LRRK2: variants seen among roughly 807,000 people sequenced by gnomAD.
The protein encoded by LRRK2 is leucine-rich repeat serine/threonine-protein kinase 2.
LRRK2 carries 203 observed loss-of-function variants against 302.6 expected under a neutral mutation model. The observed-to-expected ratio is 0.67, with a 90% CI of 0.60 to 0.75. The LOEUF (loss-of-function observed/expected upper bound fraction) is 0.75. Among genes scored for constraint, LRRK2 ranks in the 30% least tolerant of loss-of-function variants. The pLI, the probability that LRRK2 is intolerant of heterozygous loss-of-function variation, is 0.00. For synonymous variants in LRRK2, 1,066 were observed against 1,031.9 expected (o/e 1.03, Z -0.63); for missense variants, 2,830 against 2,951.0 (o/e 0.96, Z 0.95).
intron 39 of LRRK2, 118 bp from the exon 40 acceptor site, chr12:40,334,849 G>C: frequency 8.6e-7 from 1 of 1,158,386 alleles, no homozygotes; most frequent in South Asian, 1.3e-5. Context: ...TGGAAAGTTT[G>C]CTATGATCCA....
intron 49 of LRRK2, chr12:40,366,534 T>G (rs1003111437): frequency 1.0e-4 from 17 of 163,936 alleles, no homozygotes; most frequent in African/African-American, 4.1e-4. Context: ...AGACTTTTGA[T>G]GCAAATTTGT....
Position 40,352,822 on chromosome 12 carries a change from T to G in LRRK2, c.6576+1089T>G, listed in dbSNP as rs954348425. ...GCATCCCAAGGCAGAAGAATTTTTC[T>G]TAGTACAGAACAAAATGGAGTCTCC... is the stretch of plus-strand genomic sequence containing the variant. On this transcript the variant is annotated intron_variant, in intron 44 of 50. Transcript: ENST00000298910. Among the ~76,000 whole-genome samples the G allele has an allele frequency of 1.7e-3, 263 of 152,212 alleles. 1 individual carries two copies. Among genetic ancestry groups the G allele is most frequent in the Non-Finnish European group, 3.0e-3 (201 of 67,994 alleles).
chr12:40,270,557 T>C lies in LRRK2; in HGVS notation c.1657-4026T>C, dbSNP rs76705175. Reference sequence around the variant, plus strand: ...AAATATTGTTTTTTTTTCCTTGAAGTGTTTGTAGGCATTTCACTGTGTTCT... The same window carrying C: ...AAATATTGTTTTTTTTTCCTTGAAGCGTTTGTAGGCATTTCACTGTGTTCT... On this transcript the variant is annotated intron_variant, in intron 14 of 50. Transcript: ENST00000298910. Among the ~76,000 whole-genome samples, 1,180 of 152,096 alleles carry C rather than the reference T, an allele frequency of 7.8e-3. 19 individuals carry two copies. Among genetic ancestry groups the C allele is most frequent in the African/African-American group, 0.027 (1,123 of 41,496 alleles).
intron 14 of LRRK2, among the ~76,000 whole-genome samples, chr12:40,265,004 G>T (rs1460441827): frequency 1.3e-5 from 2 of 152,152 alleles, no homozygotes; most frequent in Non-Finnish European, 2.9e-5. Context: ...CATGTGATTT[G>T]ATATACTTTG....
At chr12:40,280,866 A>T (rs1465895889) in intron 18 of LRRK2, among the ~76,000 whole-genome samples, 1 of 151,654 alleles carries the variant, frequency 6.6e-6, no homozygotes, top group Admixed American at 6.6e-5. Context: ...GGAGATCGAG[A>T]CCATCCTGGC....
At position 40,266,003 on chromosome 12, in the gene LRRK2, A is replaced by G. The variant is rs1240591357; in HGVS notation, c.1656+2102A>G. ...TTACACCTTATACAAAAATAAATTC[A>G]AGATGGTTTAAAGACTTAAATGTTA... is the stretch of plus-strand genomic sequence containing the variant. On this transcript the variant is annotated intron_variant, in intron 14 of 50. Coordinates refer to ENST00000298910, the MANE Select transcript of LRRK2 (RefSeq NM_198578.4). Among the ~76,000 whole-genome samples the G allele has an allele frequency of 8.5e-5, 13 of 152,354 alleles. No homozygotes were observed. In the East Asian group the frequency reaches 2.3e-3, roughly 27 times the overall value.
rs181205789 is a variant in LRRK2 at position 40,242,398 on chromosome 12, T to G, written c.707-1152T>G. ...GATATACATGTTTTCTCCATGTAGG[T>G]TCACACCTCACTTCCTTTATTGATT... is the stretch of plus-strand genomic sequence containing the variant. On this transcript the variant is annotated intron_variant, in intron 6 of 50. Transcript: ENST00000298910. Among the ~76,000 whole-genome samples the G allele has an allele frequency of 3.8e-3, 573 of 152,188 alleles. 1 individual carries two copies. Among genetic ancestry groups the G allele is most frequent in the Non-Finnish European group, 5.9e-3 (402 of 67,990 alleles).
chr12:40,326,883 A>C (rs1415268766), intron 38 of LRRK2, among the ~76,000 whole-genome samples: 1 of 152,254 alleles, frequency 6.6e-6, no homozygotes, highest in Non-Finnish European at 1.5e-5. Flanking sequence ...TTTACAATCT[A>C]ATAGAAATAC....
intron 39 of LRRK2, among the ~76,000 whole-genome samples, chr12:40,329,346 C>G (rs769714300): frequency 6.6e-6 from 1 of 152,124 alleles, no homozygotes; most frequent in Non-Finnish European, 1.5e-5. Flanking sequence ...TGACTCCTTG[C>G]TATGTGAGAT....
At chr12:40,357,577 G>A (rs186607606) in intron 46 of LRRK2, among the ~76,000 whole-genome samples, 13 of 151,992 alleles carry the variant, frequency 8.6e-5, no homozygotes, top group East Asian at 5.8e-4. Context: ...ATGGGCATTC[G>A]TTTTTTTCCG....
chr12:40,229,368 T>C (rs1172249493), intron 2 of LRRK2, among the ~76,000 whole-genome samples: 1 of 152,198 alleles, frequency 6.6e-6, no homozygotes, highest in African/African-American at 2.4e-5. Context: ...CTAGATGCCA[T>C]TTAACATGAT....
chr12:40,334,689 T>A (rs1945815968), intron 39 of LRRK2, among the ~76,000 whole-genome samples: 1 of 152,212 alleles, frequency 6.6e-6, no homozygotes, highest in Non-Finnish European at 1.5e-5. Flanking sequence ...GAAAGGTTGG[T>A]CTTGCTGTCT....
At chr12:40,353,157 C>T (rs1219836070) in intron 44 of LRRK2, among the ~76,000 whole-genome samples, 1 of 150,994 alleles carries the variant, frequency 6.6e-6, no homozygotes, top group African/African-American at 2.4e-5. Flanking sequence ...GGGGCGGCTG[C>T]TGGGCGGAGG....
chr12:40,360,753 C>T (rs17466570), intron 47 of LRRK2, among the ~76,000 whole-genome samples: 5,859 of 152,140 alleles, frequency 0.039, 169 homozygotes, highest in Admixed American at 0.061. Context: ...ATTTTGCAAG[C>T]TTTTTGCCAT....
chr12:40,264,079 A>C (rs1239549129), intron 14 of LRRK2, among the ~76,000 whole-genome samples, 178 bp downstream of exon 14: 4 of 152,160 alleles, frequency 2.6e-5, no homozygotes, highest in African/African-American at 9.7e-5. Flanking sequence ...GATATGTACT[A>C]AGCTAAGTCC....
At chr12:40,298,799 A>ATATAT (rs1555185349) in intron 24 of LRRK2, among the ~76,000 whole-genome samples, 1 of 64,786 alleles carries the variant, frequency 1.5e-5, no homozygotes, top group African/African-American at 5.3e-5. Flanking sequence ...ATATATATAT[A>ATATAT]ATATATGTAT....
chr12:40,246,855 T>A (rs1942008333), intron 7 of LRRK2, among the ~76,000 whole-genome samples: 1 of 152,178 alleles, frequency 6.6e-6, no homozygotes, highest in African/African-American at 2.4e-5. Context: ...TCACAGCTCT[T>A]GTTTCAGCTT....
chr12:40,366,315 T>C (rs991637103), intron 49 of LRRK2: 1 of 151,912 alleles, frequency 6.6e-6, no homozygotes, highest in Non-Finnish European at 1.5e-5. Context: ...TTAGCTCCTG[T>C]GTCAAAACCT....
At chr12:40,337,631 C>A (rs74528093) in intron 40 of LRRK2, among the ~76,000 whole-genome samples, 1 of 152,106 alleles carries the variant, frequency 6.6e-6, no homozygotes, top group Non-Finnish European at 1.5e-5. Context: ...ATTTTTATGC[C>A]ACTCCTGCTG....
Sources: allele counts gnomAD v4.1 joint callset (sites outside exome capture counted in the v4.1 genomes callset), GRCh38; gene constraint gnomAD v4.1.1; transcripts MANE v1.5; gene names NCBI Gene and HGNC (gene_info 2026-07-23, HGNC 2026-07-21).